HOGA1: variants seen among roughly 807,000 people sequenced by gnomAD.
The protein encoded by HOGA1 is 4-hydroxy-2-oxoglutarate aldolase, mitochondrial.
A neutral mutation model predicts 34.3 loss-of-function variants in HOGA1; 30 were observed. That is an observed-to-expected ratio of 0.87 (90% CI 0.65 to 1.19). The LOEUF is 1.19. Among genes scored for constraint, HOGA1 ranks in the 50% most tolerant of loss-of-function variants. The pLI is 0.00. For synonymous variants in HOGA1, 161 were observed against 174.0 expected (o/e 0.93, Z 0.59); for missense variants, 417 against 436.5 (o/e 0.96, Z 0.40).
intron 2 of HOGA1, 78 bp from the exon 3 acceptor site, chr10:97,599,011 T>G: frequency 6.2e-7 from 1 of 1,607,126 alleles, no homozygotes; most frequent in Non-Finnish European, 8.5e-7. Flanking sequence ...TGGGACATGC[T>G]GAGGCACCTT....
At chr10:97,599,355 T>C (rs975176579) in intron 3 of HOGA1, 139 bp downstream of exon 3, 2 of 1,028,844 alleles carry the variant, frequency 1.9e-6, no homozygotes, top group Non-Finnish European at 2.9e-6. Flanking sequence ...CTGCACGACA[T>C]TGGGAGGCTT....
Position 97,584,862 on chromosome 10 carries a change from C to A in HOGA1, c.159C>A (p.Asp53Glu). 6.2e-7 allele frequency: 1 copy of A among 1,614,156 alleles called. No individual in the cohort carries two copies. Among genetic ancestry groups the A allele is most frequent in the Non-Finnish European group, 8.5e-7 (1 of 1,180,020 alleles). Residue 53 changes from aspartate to glutamate, a missense_variant, in exon 1 of 7, where the codon GAC (aspartate) becomes GAA (glutamate). Transcript: ENST00000370646. The part of the protein sequence containing the change: ...TTPFTATAEV[D>E]YGKLEENLHK... ...CCTTCACTGCCACTGCAGAGGTGGA[C>A]TATGGGAAACTGGAGGAGAATCTGC...
rs1247079002 is a variant in HOGA1 at position 97,584,889 on chromosome 10, CA to C, written c.189del (p.Lys63AsnfsTer22). On this transcript the variant is annotated frameshift_variant, in exon 1 of 7. Coordinates refer to ENST00000370646, the MANE Select transcript of HOGA1 (RefSeq NM_138413.4). LOFTEE classifies it high-confidence loss of function. Reference sequence around the variant, plus strand: ...ATGGGAAACTGGAGGAGAATCTGCACAAACTGGGCACCTTCCCCTTCCGAGG... The same window carrying C: ...ATGGGAAACTGGAGGAGAATCTGCACAACTGGGCACCTTCCCCTTCCGAGG... ...DYGKLEENLHKLGTFPFRGFV... is the reference protein window; with the variant it reads ...DYGKLEENLHXLGTFPFRGFV... 2 of 1,614,140 alleles carry C rather than the reference CA, an allele frequency of 1.2e-6. No individual in the cohort carries two copies. Among genetic ancestry groups the C allele is most frequent in the African/African-American group, 2.7e-5 (2 of 75,044 alleles).
intron 5 of HOGA1, 97 bp downstream of exon 5, chr10:97,600,260 T>G (rs2041106490): frequency 9.6e-7 from 1 of 1,042,892 alleles, no homozygotes; most frequent in South Asian, 1.3e-5. Context: ...GGGCTGGGTC[T>G]GCAGATGGTA....
At chr10:97,604,480 CCT>C (rs1452513995) in intron 6 of HOGA1, among the ~76,000 whole-genome samples, 1 of 152,106 alleles carries the variant, frequency 6.6e-6, no homozygotes, top group Non-Finnish European at 1.5e-5. Flanking sequence ...CACCAACACA[CCT>C]GGCTAATTCT....
chr10:97,591,778 C>A (rs1178656433), intron 1 of HOGA1, among the ~76,000 whole-genome samples: 1 of 148,968 alleles, frequency 6.7e-6, no homozygotes, highest in Non-Finnish European at 1.5e-5. Context: ...GTGTGTGGAA[C>A]CACACCTGGC....
intron 1 of HOGA1, chr10:97,590,504 A>G: frequency 1.2e-6 from 2 of 1,612,534 alleles, no homozygotes; most frequent in Non-Finnish European, 1.7e-6. Context: ...CTATGGCCAC[A>G]GTCACCACAG....
chr10:97,604,413 C>T (rs1394711340), intron 6 of HOGA1, among the ~76,000 whole-genome samples: 2 of 152,136 alleles, frequency 1.3e-5, no homozygotes, highest in Non-Finnish European at 2.9e-5. Flanking sequence ...GCCTCAACCT[C>T]CTGGCTCAAG....
chr10:97,586,397 C>T (rs2040971715), intron 1 of HOGA1, among the ~76,000 whole-genome samples: 1 of 152,196 alleles, frequency 6.6e-6, no homozygotes, highest in South Asian at 2.1e-4. Flanking sequence ...TGACCCCTGG[C>T]CTGATGGACA....
chr10:97,605,422 A>C (rs1564760999), intron 6 of HOGA1, among the ~76,000 whole-genome samples: 3 of 150,822 alleles, frequency 2.0e-5, no homozygotes, highest in South Asian at 2.1e-4. Flanking sequence ...AAAAAAAAAA[A>C]CAAAAAACCA....
Position 97,594,712 on chromosome 10 carries a change from A to C in HOGA1, c.212-4063A>C, listed in dbSNP as rs151247534. Among the ~76,000 whole-genome samples the C allele has an allele frequency of 3.9e-3, 590 of 152,010 alleles. 1 individual carries two copies. The highest frequency in any genetic ancestry group is 0.01 in the Middle Eastern group (3 of 288). ...CACCATGTTGGCCAGGCTGGTCTCG[A>C]ACTCCTGGCCTCAAATAGTCCACCC... is the stretch of plus-strand genomic sequence containing the variant. On this transcript the variant is annotated intron_variant, in intron 1 of 6. Coordinates refer to ENST00000370646, the MANE Select transcript of HOGA1 (RefSeq NM_138413.4).
intron 1 of HOGA1, among the ~76,000 whole-genome samples, chr10:97,586,957 T>A (rs2040975846): frequency 6.6e-6 from 1 of 152,230 alleles, no homozygotes; most frequent in Non-Finnish European, 1.5e-5. Flanking sequence ...CTGCCACTTC[T>A]GCCAGTTAAC....
At chr10:97,591,998 C>G (rs1589904010) in intron 1 of HOGA1, among the ~76,000 whole-genome samples, 3 of 151,508 alleles carry the variant, frequency 2.0e-5, no homozygotes, top group East Asian at 3.9e-4. Context: ...ACCACCATGC[C>G]TGGCAAATTT....
At chr10:97,592,892 A>G (rs921856625) in intron 1 of HOGA1, among the ~76,000 whole-genome samples, 6 of 151,778 alleles carry the variant, frequency 4.0e-5, no homozygotes, top group African/African-American at 1.5e-4. Context: ...TGAGCTGGGC[A>G]TGGTGGTGCC....
intron 6 of HOGA1, 46 bp downstream of exon 6, chr10:97,602,036 T>A (rs1470195484): frequency 8.9e-6 from 14 of 1,580,662 alleles, no homozygotes; most frequent in Non-Finnish European, 1.2e-5. Flanking sequence ...GGGTGGGCAG[T>A]CTGTGTCCTC....
Position 97,611,510 on chromosome 10 carries a change from G to A in HOGA1, c.835G>A (p.Val279Met). 6.2e-7 allele frequency: 1 copy of A among 1,614,264 alleles called. No homozygotes were observed. The highest frequency in any genetic ancestry group is 8.5e-7 in the Non-Finnish European group (1 of 1,180,040). ...TCTTCTAACAGGCCCTGCTTTGCAG[G>A]TGACCCGGCGCTTTGGGATCCCAGG... ...QHRLIEPNAAVTRRFGIPGLK... is the reference protein window; with the variant it reads ...QHRLIEPNAAMTRRFGIPGLK... The change falls in exon 7 of 7, where the codon GTG becomes ATG. Residue 279 changes from valine (V) to methionine (M), a missense_variant and splice_region_variant. Transcript: ENST00000370646.
Position 97,602,033 on chromosome 10 carries a change from C to T in HOGA1, c.834+43C>T, listed in dbSNP as rs373546977. The T allele has an allele frequency of 1.9e-5, 30 of 1,582,370 alleles. No individual in the cohort carries two copies. The South Asian group carries it at 2.8e-4, about 15-fold the overall frequency. On this transcript the variant is annotated intron_variant, in intron 6 of 6. Transcript: ENST00000370646. ...GGGGCGCGGCCTGGCGGGGGGTGGG[C>T]AGTCTGTGTCCTCATTGGAGCAGGA...
intron 6 of HOGA1, 136 bp from the exon 7 acceptor site, chr10:97,611,374 G>T: frequency 1.1e-6 from 1 of 902,312 alleles, no homozygotes; most frequent in Non-Finnish European, 1.8e-6. Flanking sequence ...TGTACCCTGG[G>T]TGCCATAGAG....
At position 97,584,762 on chromosome 10, in the gene HOGA1, G is replaced by A; in HGVS notation, c.59G>A (p.Arg20Lys). 6.2e-7 allele frequency: 1 copy of A among 1,613,588 alleles called. No individual in the cohort carries two copies. Among genetic ancestry groups the A allele is most frequent in the Non-Finnish European group, 8.5e-7 (1 of 1,179,756 alleles). ...CAGGGGCTAAGCAGGAGCTTGTCCA[G>A]GAATGTGGGGGTCTGGGCCTCAGGG... ...VRQGLSRSLSRNVGVWASGEG... is the reference protein window; with the variant it reads ...VRQGLSRSLSKNVGVWASGEG... Residue 20 changes from arginine (R) to lysine (K), a missense_variant, in exon 1 of 7, where the codon AGG becomes AAG. Physicochemically the swap from Arg to Lys is conservative, Grantham distance 26. Transcript: ENST00000370646.
Sources: gnomAD v4.1 joint callset for allele counts (sites outside exome capture counted in the v4.1 genomes callset) on GRCh38, gnomAD v4.1.1 for gene constraint, MANE v1.5 for transcripts, NCBI Gene and HGNC (gene_info 2026-07-23, HGNC 2026-07-21) for gene names.